The following RALGAPA1 variants were observed in gnomAD, a reference collection of about 807,000 sequenced individuals.
RALGAPA1 encodes ral GTPase-activating protein subunit alpha-1.
RALGAPA1 carries 52 observed loss-of-function variants against 269.6 expected under a neutral mutation model. The ratio of observed to expected loss-of-function variants is 0.19; its 90% CI spans 0.15 to 0.24. The LOEUF (loss-of-function observed/expected upper bound fraction) is 0.24, where lower values mean the gene tolerates loss of function less well. Ranked by LOEUF, RALGAPA1 falls within the 10% of genes least tolerant of loss-of-function variation. The pLI is 1.00. For synonymous variants in RALGAPA1, 817 were observed against 1,008.3 expected (o/e 0.81, Z 3.60); for missense variants, 1,917 against 3,013.9 (o/e 0.64, Z 8.52).
chr14:35,770,302 C>T (rs1435185555), intron 4 of RALGAPA1, among the ~76,000 whole-genome samples: 2 of 152,058 alleles, frequency 1.3e-5, no homozygotes, highest in African/African-American at 4.8e-5. Context: ...AACACTACAG[C>T]TAAAATCACA....
chr14:35,602,333 G>T (rs1034432929), intron 36 of RALGAPA1, among the ~76,000 whole-genome samples: 1 of 152,108 alleles, frequency 6.6e-6, no homozygotes, highest in African/African-American at 2.4e-5. Context: ...ATATACTTTG[G>T]GGGTAGAACT....
intron 1 of RALGAPA1, among the ~76,000 whole-genome samples, chr14:35,806,817 T>C (rs1319528916): frequency 2.0e-5 from 3 of 152,240 alleles, no homozygotes; most frequent in Non-Finnish European, 2.9e-5. Context: ...AAATACCTGA[T>C]TGGCAGACCT....
intron 28 of RALGAPA1, 82 bp from the exon 29 acceptor site, chr14:35,655,997 GA>G: frequency 6.3e-7 from 1 of 1,593,774 alleles, no homozygotes; most frequent in Non-Finnish European, 8.5e-7. Context: ...GACACAGAAT[GA>G]ACATGCACTA....
rs1252699570 is a variant in RALGAPA1, at chr14:35,688,497, T to A, written c.3914A>T (p.Tyr1305Phe). 8 of 1,536,150 alleles carry A rather than the reference T, an allele frequency of 5.2e-6. No individual in the cohort carries two copies. Among genetic ancestry groups the A allele is most frequent in the Non-Finnish European group, 7.0e-6 (8 of 1,146,898 alleles). The change falls in exon 18 of 42, where the codon TAC becomes TTC. Residue 1305 changes from tyrosine (Y) to phenylalanine (F), a missense_variant. Physicochemically the swap from Tyr to Phe is conservative, Grantham distance 22. Transcript: ENST00000680220. ...MPPEAPLRDL[Y>F]SHVMGYFGRK... Reference sequence around the variant, plus strand: ...TCCAAAATAGCCCATTACATGACTGTACAGATCCCTCAGTGGAGCCTCTGG... The same window carrying A: ...TCCAAAATAGCCCATTACATGACTGAACAGATCCCTCAGTGGAGCCTCTGG...
chr14:35,563,839 T>TTC (rs1157234068), intron 39 of RALGAPA1, among the ~76,000 whole-genome samples: 2 of 152,142 alleles, frequency 1.3e-5, no homozygotes, highest in Non-Finnish European at 2.9e-5. Flanking sequence ...GAGATGGAGT[T>TTC]TCTCTCTTGT....
intron 7 of RALGAPA1, 46 bp from the exon 8 acceptor site, chr14:35,752,208 T>G (rs767182917): frequency 1.4e-6 from 2 of 1,445,092 alleles, no homozygotes; most frequent in South Asian, 2.9e-5. Flanking sequence ...AGAAAGAATC[T>G]CTTAAATGCA....
In RALGAPA1 at chr14:35,564,157, T is replaced by C. The variant is rs1204444608; in HGVS notation, c.7496+6460A>G. Among the ~76,000 whole-genome samples the C allele has an allele frequency of 2.5e-4, 38 of 152,180 alleles. 1 individual carries two copies. Among genetic ancestry groups the C allele is most frequent in the Admixed American group, 2.5e-3 (38 of 15,284 alleles). The stretch of plus-strand genomic sequence containing the variant: ...ACATGACAGATAGGTTACCTAGTGC[T>C]TCATGTGGATAATTTTACTTAATCC... On this transcript the variant is annotated intron_variant, in intron 39 of 41. Transcript: ENST00000680220.
intron 33 of RALGAPA1, among the ~76,000 whole-genome samples, chr14:35,629,988 G>A (rs1210571884): frequency 6.6e-6 from 1 of 151,808 alleles, no homozygotes; most frequent in Non-Finnish European, 1.5e-5. Flanking sequence ...AAAAAAAAGG[G>A]AGACCAGTTT....
chr14:35,692,272 A>T (rs114854435), intron 17 of RALGAPA1, among the ~76,000 whole-genome samples: 1,628 of 152,232 alleles, frequency 0.011, 32 homozygotes, highest in African/African-American at 0.037. Context: ...ATTTCAAAAC[A>T]TTAAAATCAT....
chr14:35,716,147 A>G, intron 16 of RALGAPA1: 3 of 938,704 alleles, frequency 3.2e-6, no homozygotes, highest in Non-Finnish European at 3.8e-6. Context: ...TAATCCCAGC[A>G]CTTTGGGAGG....
At chr14:35,787,814 T>G (rs1257484082) in intron 1 of RALGAPA1, among the ~76,000 whole-genome samples, 2 of 151,128 alleles carry the variant, frequency 1.3e-5, no homozygotes, top group African/African-American at 4.9e-5. Flanking sequence ...ACTCCTGGGC[T>G]CAAGCAATCC....
chr14:35,793,506 T>C (rs1275644580), intron 1 of RALGAPA1, among the ~76,000 whole-genome samples: 1 of 152,088 alleles, frequency 6.6e-6, no homozygotes, highest in African/African-American at 2.4e-5. Context: ...AGTGCTGGGA[T>C]TACAGGCGTG....
intron 12 of RALGAPA1, among the ~76,000 whole-genome samples, chr14:35,733,583 G>A (rs894502529): frequency 6.6e-6 from 1 of 152,006 alleles, no homozygotes; most frequent in African/African-American, 2.4e-5. Context: ...GGTGCTAAGA[G>A]GAAAGTTCAT....
At chr14:35,645,231 C>A (rs1236364183) in intron 31 of RALGAPA1, among the ~76,000 whole-genome samples, 1 of 152,050 alleles carries the variant, frequency 6.6e-6, no homozygotes, top group Admixed American at 6.6e-5. Flanking sequence ...ATCCTCACGA[C>A]CTAATTACCT....
At chr14:35,770,015 C>A (rs1169472844) in intron 4 of RALGAPA1, among the ~76,000 whole-genome samples, 1 of 151,992 alleles carries the variant, frequency 6.6e-6, no homozygotes, top group Non-Finnish European at 1.5e-5. Flanking sequence ...TCCTCATAAA[C>A]AGAGAGGCAA....
At chr14:35,705,807 C>T (rs147838866) in intron 16 of RALGAPA1, among the ~76,000 whole-genome samples, 59 of 152,246 alleles carry the variant, frequency 3.9e-4, no homozygotes, top group African/African-American at 1.2e-3. Context: ...CACTTCCCTG[C>T]CAGCATTTGG....
intron 36 of RALGAPA1, among the ~76,000 whole-genome samples, chr14:35,600,006 G>A (rs563279859): frequency 6.6e-6 from 1 of 152,064 alleles, no homozygotes; most frequent in East Asian, 1.9e-4. Flanking sequence ...CGACCTTTTT[G>A]AATCTACAGC....
intron 35 of RALGAPA1, among the ~76,000 whole-genome samples, chr14:35,623,669 G>A (rs1005542415): frequency 6.6e-6 from 1 of 152,198 alleles, no homozygotes; most frequent in African/African-American, 2.4e-5. Context: ...AATATACATG[G>A]CATGAAATAT....
intron 35 of RALGAPA1, 145 bp from the exon 36 acceptor site, chr14:35,605,854 GC>G (rs1247102807): frequency 2.2e-6 from 2 of 915,030 alleles, no homozygotes. Flanking sequence ...AGATATAAAT[GC>G]AATGTAAGTA....
Sources: allele counts gnomAD v4.1 joint callset (sites outside exome capture counted in the v4.1 genomes callset), GRCh38; gene constraint gnomAD v4.1.1; transcripts MANE v1.5; gene names NCBI Gene and HGNC (gene_info 2026-07-23, HGNC 2026-07-21).